Variants in NOVA1 observed in about 807,000 individuals in gnomAD.
The protein encoded by NOVA1 is NOVA alternative splicing regulator 1.
A neutral mutation model predicts 38.0 loss-of-function variants in NOVA1; 7 were observed. The ratio of observed to expected loss-of-function variants is 0.18; its 90% confidence interval spans 0.10 to 0.35. The LOEUF (loss-of-function observed/expected upper bound fraction) is 0.35, where lower values mean the gene tolerates loss of function less well. NOVA1 is among the 10% of genes least tolerant of loss of function. The pLI, the probability that NOVA1 is intolerant of heterozygous loss-of-function variation, is 1.00. For synonymous variants in NOVA1, 270 were observed against 232.5 expected (o/e 1.16, Z -1.47); for missense variants, 460 against 616.0 (o/e 0.75, Z 2.68).
intron 2 of NOVA1, among the ~76,000 whole-genome samples, chr14:26,537,739 G>T (rs1011542768): frequency 6.6e-6 from 1 of 152,096 alleles, no homozygotes; most frequent in African/African-American, 2.4e-5. Flanking sequence ...CAATAAGTAA[G>T]TAATAAATAA....
intron 2 of NOVA1, among the ~76,000 whole-genome samples, chr14:26,539,015 A>G (rs1336979806): frequency 6.6e-6 from 1 of 152,180 alleles, no homozygotes; most frequent in African/African-American, 2.4e-5. Flanking sequence ...TTCAACTCAA[A>G]TGATCCTTCT....
Position 26,444,742 on chromosome 14 carries a change from T to C in NOVA1, c.*3217A>G, listed in dbSNP as rs904153335. 11 of 151,780 alleles carry C rather than the reference T, an allele frequency of 7.2e-5. No homozygotes were observed. Among genetic ancestry groups the C allele is most frequent in the African/African-American group, 1.2e-4 (5 of 41,290 alleles). The allele number at this position is 151,780 out of a possible 1,614,324, so 9.4% of individuals were successfully genotyped here. A position where few individuals can be genotyped will look rare whatever the true frequency, so the allele number is the denominator to read the frequency against. ...CAATAACTGGAAGTGCAGACGAAATTGGTCTTCAGTGCAAAGAGGAAGGCA... is the reference window on the plus strand; with the variant it reads ...CAATAACTGGAAGTGCAGACGAAATCGGTCTTCAGTGCAAAGAGGAAGGCA... On this transcript the variant is annotated 3_prime_UTR_variant, in exon 5 of 5. Transcript: ENST00000539517.
intron 2 of NOVA1, among the ~76,000 whole-genome samples, chr14:26,587,073 A>G (rs1430358726): frequency 6.6e-6 from 1 of 150,938 alleles, no homozygotes; most frequent in African/African-American, 2.4e-5. Context: ...TTCAGAAAAC[A>G]CATTTCAAAG....
At chr14:26,515,460 C>T (rs1456208460) in intron 2 of NOVA1, among the ~76,000 whole-genome samples, 1 of 151,888 alleles carries the variant, frequency 6.6e-6, no homozygotes, top group Admixed American at 6.6e-5. Context: ...AATTGTCAGG[C>T]ACATAATACA....
chr14:26,499,051 T>G (rs1046904027), intron 2 of NOVA1, among the ~76,000 whole-genome samples: 1 of 152,252 alleles, frequency 6.6e-6, no homozygotes, highest in African/African-American at 2.4e-5. Context: ...TGGGAGTACA[T>G]GAGGGCAAAT....
At chr14:26,572,308 C>A (rs1892530201) in intron 2 of NOVA1, among the ~76,000 whole-genome samples, 1 of 152,064 alleles carries the variant, frequency 6.6e-6, no homozygotes, top group African/African-American at 2.4e-5. Flanking sequence ...GGAACAAGAT[C>A]AAAATTAACC....
At chr14:26,526,567 T>A (rs1889314327) in intron 2 of NOVA1, among the ~76,000 whole-genome samples, 1 of 115,706 alleles carries the variant, frequency 8.6e-6, no homozygotes, top group Non-Finnish European at 2.1e-5. Context: ...TTGCTAAATT[T>A]TAATGTTAGA....
At chr14:26,521,379 A>G (rs985262280) in intron 2 of NOVA1, among the ~76,000 whole-genome samples, 2 of 152,154 alleles carry the variant, frequency 1.3e-5, no homozygotes, top group African/African-American at 2.4e-5. Context: ...GTTTTAAAAA[A>G]TTTTAGATCG....
At chr14:26,507,524 A>G (rs1887734561) in intron 2 of NOVA1, among the ~76,000 whole-genome samples, 1 of 152,182 alleles carries the variant, frequency 6.6e-6, no homozygotes, top group Non-Finnish European at 1.5e-5. Context: ...GATGCTGAAA[A>G]AGTTTTGATT....
intron 2 of NOVA1, among the ~76,000 whole-genome samples, chr14:26,512,640 T>C (rs1425625099): frequency 1.3e-5 from 2 of 152,162 alleles, no homozygotes; most frequent in Non-Finnish European, 1.5e-5. Context: ...GCTTTAGATA[T>C]TATAAATAGT....
intron 2 of NOVA1, among the ~76,000 whole-genome samples, chr14:26,516,718 T>C (rs1422242187): frequency 2.0e-5 from 3 of 152,186 alleles, no homozygotes; most frequent in Admixed American, 6.5e-5. Context: ...TTTCTTTCCA[T>C]TGGTCTACTT....
At chr14:26,451,656 C>A (rs1882692634) in intron 4 of NOVA1, among the ~76,000 whole-genome samples, 1 of 152,014 alleles carries the variant, frequency 6.6e-6, no homozygotes. Context: ...TACAACCACG[C>A]CCGGCCAATA....
At chr14:26,489,413 C>T (rs1566471496) in intron 2 of NOVA1, among the ~76,000 whole-genome samples, 1 of 151,910 alleles carries the variant, frequency 6.6e-6, no homozygotes, top group African/African-American at 2.4e-5. Flanking sequence ...AGAATTTTGA[C>T]TGTTTAACTT....
At chr14:26,593,804 T>A (rs893528575) in intron 2 of NOVA1, 4 of 151,962 alleles carry the variant, frequency 2.6e-5, no homozygotes, top group Non-Finnish European at 5.9e-5. Flanking sequence ...TGAAAAGGCA[T>A]TTAATTTACT....
At chr14:26,449,914 C>T (rs562928920) in intron 4 of NOVA1, among the ~76,000 whole-genome samples, 1 of 152,098 alleles carries the variant, frequency 6.6e-6, no homozygotes, top group Non-Finnish European at 1.5e-5. Flanking sequence ...TTGACTTAAT[C>T]ACAATAAAAA....
chr14:26,484,428 GAAAAAAAAAA>G (rs869087238), intron 2 of NOVA1, among the ~76,000 whole-genome samples: 11 of 56,458 alleles, frequency 1.9e-4, no homozygotes, highest in Admixed American at 7.0e-4. Context: ...ACTCCGTCTC[GAAAAAAAAAA>G]AAAAAAAAAA....
chr14:26,542,256 C>A (rs560412625), intron 2 of NOVA1, among the ~76,000 whole-genome samples: 4 of 151,802 alleles, frequency 2.6e-5, no homozygotes, highest in African/African-American at 9.7e-5. Flanking sequence ...TCTTAGTATA[C>A]CATCTGTACT....
intron 2 of NOVA1, among the ~76,000 whole-genome samples, chr14:26,546,298 T>C (rs1431598140): frequency 1.3e-5 from 2 of 152,074 alleles, no homozygotes; most frequent in Non-Finnish European, 2.9e-5. Flanking sequence ...TAATCCTACA[T>C]TGAAAAATCA....
chr14:26,492,741 C>T (rs1052829509), intron 2 of NOVA1, among the ~76,000 whole-genome samples: 1 of 151,944 alleles, frequency 6.6e-6, no homozygotes, highest in Non-Finnish European at 1.5e-5. Context: ...CCGAGGTAGG[C>T]GGATCACTTG....
Sources: gnomAD v4.1 joint callset for allele counts (sites outside exome capture counted in the v4.1 genomes callset) on GRCh38, gnomAD v4.1.1 for gene constraint, MANE v1.5 for transcripts, NCBI Gene and HGNC (gene_info 2026-07-23, HGNC 2026-07-21) for gene names.